The following AIMP1 variants were observed in gnomAD, a reference collection of about 807,000 sequenced individuals.
AIMP1 encodes the protein aminoacyl tRNA synthase complex-interacting multifunctional protein 1.
In AIMP1, 24 loss-of-function variants were observed where a neutral mutation model predicts 33.1. The ratio of observed to expected loss-of-function variants is 0.73; its 90% CI spans 0.53 to 1.02. AIMP1 has a LOEUF of 1.02. AIMP1 is among the 50% of genes least tolerant of loss of function. The pLI, the probability that AIMP1 is intolerant of heterozygous loss-of-function variation, is 0.00. For missense variants in AIMP1, 367 were observed against 364.8 expected (o/e 1.01, Z -0.05); for synonymous variants, 120 against 121.5 (o/e 0.99, Z 0.08).
At chr4:106,343,390 AAG>A (rs951437204) in intron 6 of AIMP1, among the ~76,000 whole-genome samples, 3 of 152,338 alleles carry the variant, frequency 2.0e-5, no homozygotes, top group Admixed American at 1.3e-4. Context: ...TTACAATATG[AAG>A]AGTTTTAACA....
rs748033712 is a variant in AIMP1 at position 106,331,705 on chromosome 4, C to G, written c.425C>G (p.Ala142Gly). The G allele has an allele frequency of 6.2e-7, 1 of 1,614,054 alleles. No homozygotes were observed. Among genetic ancestry groups the G allele is most frequent in the South Asian group, 1.1e-5 (1 of 91,084 alleles). ...AAGGAGAAAAAACAGCAATCAATAG[C>G]TGGAAGTGCCGACTCTAAGCCAATA... Reference protein sequence around the residue: ...EKKEKKQQSIAGSADSKPIDV... With the variant: ...EKKEKKQQSIGGSADSKPIDV... Residue 142 changes from alanine (A) to glycine (G), a missense_variant, in exon 5 of 7, where the codon GCT becomes GGT. Physicochemically the swap from Ala to Gly is moderately conservative, Grantham distance 60 (BLOSUM62 0). Coordinates refer to ENST00000672341, the MANE Select transcript of AIMP1 (RefSeq NM_001142416.2).
In AIMP1 at chr4:106,347,567, G is replaced by A. The variant is rs1228270471; in HGVS notation, c.814G>A (p.Glu272Lys). ...KELNPKKKIW[E>K]QIQPDLHTND... The stretch of plus-strand genomic sequence containing the variant: ...GCTGAATCCTAAGAAGAAGATTTGG[G>A]AGCAGATCCAGCCTGATCTTCACAC... The change falls in exon 7 of 7, where the codon GAG (glutamate) becomes AAG (lysine). Residue 272 changes from glutamate (E) to lysine (K), a missense_variant. By Grantham distance (56) the Glu-to-Lys change is moderately conservative. Transcript: ENST00000672341. 2 of 1,613,166 alleles carry A rather than the reference G, an allele frequency of 1.2e-6. No homozygotes were observed. Among genetic ancestry groups the A allele is most frequent in the Non-Finnish European group, 1.7e-6 (2 of 1,179,588 alleles).
intron 2 of AIMP1, among the ~76,000 whole-genome samples, chr4:106,326,475 A>G (rs1769456177): frequency 6.6e-6 from 1 of 152,194 alleles, no homozygotes; most frequent in Admixed American, 6.5e-5. Flanking sequence ...ACAAAGCAGT[A>G]CCAACCCCAC....
upstream of AIMP1, chr4:106,316,504 T>C (rs777040217): frequency 6.5e-7 from 1 of 1,541,292 alleles, no homozygotes; most frequent in South Asian, 1.2e-5. Context: ...GACACCTCAT[T>C]GGGTCCTTTC....
chr4:106,329,467 C>T (rs1474298059), intron 4 of AIMP1, among the ~76,000 whole-genome samples: 2 of 152,132 alleles, frequency 1.3e-5, no homozygotes, highest in East Asian at 3.9e-4. Flanking sequence ...GATTAGAACA[C>T]TTCTATCCAA....
chr4:106,333,734 G>A (rs1242499641), intron 5 of AIMP1, among the ~76,000 whole-genome samples: 1 of 152,126 alleles, frequency 6.6e-6, no homozygotes. Flanking sequence ...TATGTGAAAA[G>A]TATTGATGGT....
intron 2 of AIMP1, 81 bp from the exon 3 acceptor site, chr4:106,327,369 AT>A: frequency 9.8e-7 from 1 of 1,018,440 alleles, no homozygotes. Context: ...AGCTGTAGTT[AT>A]ACTGGCTGTC....
At position 106,328,859 on chromosome 4, in the gene AIMP1, C is replaced by T. The variant is rs537538416; in HGVS notation, c.391+616C>T. Among the ~76,000 whole-genome samples, 4 of 152,274 alleles carry T rather than the reference C, an allele frequency of 2.6e-5. No individual in the cohort carries two copies. The South Asian group carries it at 8.3e-4, about 32-fold the overall frequency. ...CTTTTCATTAGGTCCTACCTCAGTT[C>T]AGGTTTTCAACGATCTTTCATCTGA... On this transcript the variant is annotated intron_variant, in intron 4 of 6. Transcript: ENST00000672341.
At chr4:106,322,358 A>G (rs1769297221) in intron 1 of AIMP1, among the ~76,000 whole-genome samples, 1 of 152,214 alleles carries the variant, frequency 6.6e-6, no homozygotes, top group Non-Finnish European at 1.5e-5. Flanking sequence ...CTAAGTATAT[A>G]TAAGCAAGCC....
intron 1 of AIMP1, among the ~76,000 whole-genome samples, chr4:106,320,433 C>G (rs1228897939): frequency 1.3e-5 from 2 of 152,116 alleles, no homozygotes; most frequent in African/African-American, 4.8e-5. Context: ...AAGTTGGGGT[C>G]ATGAACTTAT....
chr4:106,339,010 T>C (rs1182901069), intron 6 of AIMP1, among the ~76,000 whole-genome samples: 2 of 152,228 alleles, frequency 1.3e-5, no homozygotes, highest in Non-Finnish European at 2.9e-5. Context: ...ATGGGGCCTA[T>C]GGGCCCTTTG....
Position 106,331,879 on chromosome 4 carries a change from A to G in AIMP1, c.599A>G (p.Glu200Gly), listed in dbSNP as rs966632128. 3.2e-5 allele frequency: 51 copies of G among 1,613,414 alleles called. No homozygotes were observed. The highest frequency in any genetic ancestry group is 4.2e-5 in the Non-Finnish European group (49 of 1,179,494). Reference sequence around the variant, plus strand: ...GGCCTGGTGAATCATGTTCCTCTTGAACAGGTAATCTGTACAACTGAAATT... The same window carrying G: ...GGCCTGGTGAATCATGTTCCTCTTGGACAGGTAATCTGTACAACTGAAATT... ...VSGLVNHVPL[E>G]QMQNRMVILL... The change falls in exon 5 of 7, where the codon GAA (glutamate) becomes GGA (glycine). Residue 200 changes from glutamate (E) to glycine (G), a missense_variant. Coordinates refer to ENST00000672341, the MANE Select transcript of AIMP1 (RefSeq NM_001142416.2).
intron 4 of AIMP1, 22 bp from the exon 5 acceptor site, chr4:106,331,650 C>T: frequency 6.3e-7 from 1 of 1,599,576 alleles, no homozygotes; most frequent in Non-Finnish European, 8.6e-7. Context: ...CTGATGTTTA[C>T]CCATTCATAA....
chr4:106,329,772 C>CCT (rs1554000880), intron 4 of AIMP1, among the ~76,000 whole-genome samples: 1,753 of 53,114 alleles, frequency 0.033, 85 homozygotes, highest in Non-Finnish European at 0.052. Flanking sequence ...TGCTACATAT[C>CCT]TTTTTTTTTT....
At position 106,347,515 on chromosome 4, in the gene AIMP1, C is replaced by A; in HGVS notation, c.773-11C>A. The A allele has an allele frequency of 6.2e-7, 1 of 1,605,142 alleles. No individual in the cohort carries two copies. The highest frequency in any genetic ancestry group is 8.5e-7 in the Non-Finnish European group (1 of 1,176,392). On this transcript the variant is annotated splice_polypyrimidine_tract_variant and intron_variant, in intron 6 of 6. Coordinates refer to ENST00000672341, the MANE Select transcript of AIMP1 (RefSeq NM_001142416.2). ...TGTGTAATTTTCTTGTGCTTTTTTTCTCCTACACAGGAGAGCCTGACAAGG... is the reference window on the plus strand; with the variant it reads ...TGTGTAATTTTCTTGTGCTTTTTTTATCCTACACAGGAGAGCCTGACAAGG...
chr4:106,327,964 A>G (rs1276358015), intron 3 of AIMP1, 112 bp from the exon 4 acceptor site: 1 of 1,475,390 alleles, frequency 6.8e-7, no homozygotes, highest in East Asian at 2.4e-5. Context: ...TGATAGCCAT[A>G]TACAGTGAAT....
rs1476053029 is a variant in AIMP1, at chr4:106,347,506, G to A, written c.773-20G>A. On this transcript the variant is annotated intron_variant, in intron 6 of 6. Transcript: ENST00000672341. ...TATATTAGCTGTGTAATTTTCTTGT[G>A]CTTTTTTTCTCCTACACAGGAGAGC... 6.2e-7 allele frequency: 1 copy of A among 1,603,762 alleles called. No homozygotes were observed. Among genetic ancestry groups the A allele is most frequent in the Non-Finnish European group, 8.5e-7 (1 of 1,174,984 alleles).
chr4:106,336,615 C>T (rs1051197142), intron 5 of AIMP1, among the ~76,000 whole-genome samples: 1 of 152,118 alleles, frequency 6.6e-6, no homozygotes, highest in African/African-American at 2.4e-5. Context: ...CTCATTTATT[C>T]ATTGAGTAAA....
intron 5 of AIMP1, among the ~76,000 whole-genome samples, chr4:106,335,666 C>G (rs1369154437): frequency 3.9e-5 from 6 of 152,076 alleles, no homozygotes; most frequent in African/African-American, 1.4e-4. Context: ...TTATTTGAAG[C>G]ATTCGAAGAG....
Sources: gnomAD v4.1 joint callset for allele counts (sites outside exome capture counted in the v4.1 genomes callset) on GRCh38, gnomAD v4.1.1 for gene constraint, MANE v1.5 for transcripts, NCBI Gene and HGNC (gene_info 2026-07-23, HGNC 2026-07-21) for gene names.